Variants in FSTL4 observed in about 807,000 individuals in gnomAD.
FSTL4 encodes follistatin like 4, also known as follistatin-related protein 4.
In FSTL4, 28 loss-of-function variants were observed where a neutral mutation model predicts 78.2. The ratio of observed to expected loss-of-function variants is 0.36; its 90% CI spans 0.27 to 0.49. The LOEUF (loss-of-function observed/expected upper bound fraction) is 0.49. Among genes scored for constraint, FSTL4 ranks in the 20% least tolerant of loss-of-function variants. FSTL4 has a pLI of 0.98. For missense variants in FSTL4, 922 were observed against 1,084.9 expected, an observed-to-expected ratio of 0.85 and a Z score of 2.11; for synonymous variants, 422 against 440.5, an observed-to-expected ratio of 0.96 and a Z score of 0.53.
chr5:133,259,319 G>T (rs1220958707), intron 6 of FSTL4, among the ~76,000 whole-genome samples: 2 of 151,994 alleles, frequency 1.3e-5, no homozygotes, highest in Non-Finnish European at 2.9e-5. Flanking sequence ...CCATACAAAG[G>T]TCTTGAGGCA....
intron 6 of FSTL4, among the ~76,000 whole-genome samples, chr5:133,299,745 G>C (rs1037866729): frequency 1.3e-5 from 2 of 152,202 alleles, no homozygotes; most frequent in Non-Finnish European, 2.9e-5. Flanking sequence ...TTGTGTCTGG[G>C]AAGGTGTGTG....
rs146330050 is a variant in FSTL4 at position 133,353,247 on chromosome 5, T to C, written c.410-36595A>G. Among the ~76,000 whole-genome samples, 621 of 152,360 alleles carry C rather than the reference T, an allele frequency of 4.1e-3. 9 individuals carry two copies. Among genetic ancestry groups the C allele is most frequent in the African/African-American group, 0.014 (592 of 41,586 alleles). ...AGCATTTTGGTTAGCTCCGTGTTTA[T>C]GTAATTGGGCCTTACAAATGCCATT... On this transcript the variant is annotated intron_variant, in intron 4 of 15. Transcript: ENST00000265342.
At chr5:133,674,072 C>T in the FSTL4 span, among the ~76,000 whole-genome samples, 2 of 152,194 alleles carry the variant, frequency 1.3e-5, no homozygotes, top group Non-Finnish European at 2.9e-5. Flanking sequence ...CAGAGGCCCC[C>T]ACCATAGCAA....
At chr5:133,733,259 T>C in the FSTL4 span, among the ~76,000 whole-genome samples, 1 of 152,240 alleles carries the variant, frequency 6.6e-6, no homozygotes, top group Non-Finnish European at 1.5e-5. Flanking sequence ...ATCTAGTTTT[T>C]CTGACTACAT....
chr5:133,230,234 G>A (rs958240307), intron 8 of FSTL4, among the ~76,000 whole-genome samples: 3 of 152,152 alleles, frequency 2.0e-5, no homozygotes, highest in African/African-American at 7.2e-5. Context: ...CAGGTCGGGG[G>A]AGCCTGGTAA....
the FSTL4 span, among the ~76,000 whole-genome samples, chr5:133,680,383 TCCAAA>T: frequency 3.9e-5 from 6 of 152,242 alleles, no homozygotes; most frequent in Middle Eastern, 3.4e-3. Flanking sequence ...CTGAGCCAGC[TCCAAA>T]CACAGGATCC....
Position 133,440,694 on chromosome 5 carries a change from G to A in FSTL4, c.161-39708C>T, listed in dbSNP as rs149603867. ...CTCTGAGAGGCCTGGGAATGTCCAA[G>A]CAGGGGGAAGAGAAGACAGTGGAGA... On this transcript the variant is annotated intron_variant, in intron 3 of 15. Coordinates refer to ENST00000265342, the MANE Select transcript of FSTL4 (RefSeq NM_015082.2). The surrounding 1 kb of genome is among the most constrained non-coding windows in gnomAD (Gnocchi z 4.1). 6.6e-6 allele frequency among the ~76,000 whole-genome samples: 1 copy of A among 152,274 alleles called. No individual in the cohort carries two copies. Among genetic ancestry groups the A allele is most frequent in the East Asian group, 1.9e-4 (1 of 5,170 alleles).
At chr5:133,761,728 T>G in the FSTL4 span, among the ~76,000 whole-genome samples, 1 of 152,204 alleles carries the variant, frequency 6.6e-6, no homozygotes, top group Non-Finnish European at 1.5e-5. Flanking sequence ...TTGGACAGGC[T>G]GGAGGTGCTT....
chr5:133,705,419 T>G, the FSTL4 span, among the ~76,000 whole-genome samples: 1 of 152,182 alleles, frequency 6.6e-6, no homozygotes, highest in Non-Finnish European at 1.5e-5. Context: ...AGAGGCTGCC[T>G]GCAGGCTCCA....
chr5:133,545,028 G>C (rs1210954063), intron 3 of FSTL4, among the ~76,000 whole-genome samples: 1 of 152,162 alleles, frequency 6.6e-6, no homozygotes, highest in African/African-American at 2.4e-5. Context: ...TGGAGTAATA[G>C]GAGTATCTTT....
chr5:133,732,707 C>T, the FSTL4 span, among the ~76,000 whole-genome samples: 1 of 152,206 alleles, frequency 6.6e-6, no homozygotes, highest in Non-Finnish European at 1.5e-5. Flanking sequence ...CACTGCTTTC[C>T]TCTTTGCTTT....
the FSTL4 span, among the ~76,000 whole-genome samples, chr5:133,826,704 T>C: frequency 6.6e-6 from 1 of 152,188 alleles, no homozygotes; most frequent in Non-Finnish European, 1.5e-5. Flanking sequence ...CCTGCAAAAC[T>C]GTTTTTCCAA....
At chr5:133,679,434 G>A in the FSTL4 span, among the ~76,000 whole-genome samples, 25 of 152,228 alleles carry the variant, frequency 1.6e-4, no homozygotes, top group South Asian at 5.0e-3. Flanking sequence ...TTTTTGCACA[G>A]TGGGGATCGT....
intron 2 of FSTL4, among the ~76,000 whole-genome samples, chr5:133,574,257 G>A (rs1234090457): frequency 6.6e-6 from 1 of 152,192 alleles, no homozygotes; most frequent in African/African-American, 2.4e-5. Flanking sequence ...ACCACAGTGG[G>A]ATACTGCTAT....
the FSTL4 span, among the ~76,000 whole-genome samples, chr5:133,817,887 C>T: frequency 6.6e-6 from 1 of 152,162 alleles, no homozygotes; most frequent in South Asian, 2.1e-4. Flanking sequence ...ACCTATGATG[C>T]CAGCAAAAAC....
At chr5:133,311,361 C>G (rs552135287) in intron 6 of FSTL4, among the ~76,000 whole-genome samples, 1 of 152,222 alleles carries the variant, frequency 6.6e-6, no homozygotes, top group Admixed American at 6.5e-5. Flanking sequence ...GACGGGGACC[C>G]TGCACAGTCA....
At chr5:133,565,627 A>G (rs558265360) in intron 3 of FSTL4, among the ~76,000 whole-genome samples, 1 of 152,318 alleles carries the variant, frequency 6.6e-6, no homozygotes, top group South Asian at 2.1e-4. Flanking sequence ...AGATGAATGG[A>G]GTGCAGCCTG....
chr5:133,333,204 A>G (rs138122577), intron 4 of FSTL4, among the ~76,000 whole-genome samples: 1 of 152,334 alleles, frequency 6.6e-6, no homozygotes, highest in African/African-American at 2.4e-5. Context: ...ATCCCAGGTC[A>G]TAGTGCCCAG....
chr5:133,243,299 T>C (rs1470363612), intron 7 of FSTL4, among the ~76,000 whole-genome samples: 3 of 152,178 alleles, frequency 2.0e-5, no homozygotes, highest in Non-Finnish European at 2.9e-5. Flanking sequence ...ACTGAGTTTG[T>C]TGTAGGCCTT....
Sources: allele counts gnomAD v4.1 joint callset (sites outside exome capture counted in the v4.1 genomes callset), GRCh38; gene constraint gnomAD v4.1.1; non-coding constraint Gnocchi (gnomAD v3.1); transcripts MANE v1.5; gene names NCBI Gene and HGNC (gene_info 2026-07-23, HGNC 2026-07-21).